CSMD2: variants seen among roughly 807,000 people sequenced by gnomAD.
CSMD2 encodes CUB and Sushi multiple domains 2, also known as CUB and sushi domain-containing protein 2.
In CSMD2, 130 loss-of-function variants were observed where a neutral mutation model predicts 398.5. That is an observed-to-expected ratio of 0.33 (90% CI 0.28 to 0.38). CSMD2 has a LOEUF of 0.38. CSMD2 is among the 10% of genes least tolerant of loss of function. The probability of loss-of-function intolerance (pLI) is 1.00; values close to 1 mark genes in which losing one functional copy is unlikely to be tolerated. For synonymous variants in CSMD2, 1,828 were observed against 1,908.5 expected (o/e 0.96, Z 1.10); for missense variants, 3,829 against 4,764.9 (o/e 0.80, Z 5.78).
At chr1:33,935,013 T>TAAAAAAAAAAAAAAAAAGGAAAAAAAAAA (rs1644428945) in intron 4 of CSMD2, among the ~76,000 whole-genome samples, 1 of 42,328 alleles carries the variant, frequency 2.4e-5, no homozygotes, top group African/African-American at 6.4e-5. Context: ...CAAATAAAAT[T>TAAAAAAAAAAAAAAAAAGGAAAAAAAAAA]AAAAAAAAAA....
intron 65 of CSMD2, 28 bp from the exon 66 acceptor site, chr1:33,525,071 A>G: frequency 6.2e-7 from 1 of 1,612,418 alleles, no homozygotes. Flanking sequence ...TAGATGTGAG[A>G]GGGACTTTGT....
chr1:33,668,671 C>A (rs1278011587), intron 25 of CSMD2, among the ~76,000 whole-genome samples: 1 of 152,198 alleles, frequency 6.6e-6, no homozygotes, highest in Non-Finnish European at 1.5e-5. Flanking sequence ...CAGCTCCCCT[C>A]CCCATTGTAC....
chr1:33,973,177 C>A (rs1262293592), intron 3 of CSMD2, among the ~76,000 whole-genome samples: 2 of 152,230 alleles, frequency 1.3e-5, no homozygotes, highest in Non-Finnish European at 2.9e-5. Context: ...CCCCTGCCCA[C>A]ACTATCTGCC....
chr1:33,807,575 G>C (rs890017647), intron 10 of CSMD2, among the ~76,000 whole-genome samples: 5 of 152,116 alleles, frequency 3.3e-5, no homozygotes, highest in African/African-American at 1.2e-4. Flanking sequence ...TAAGTGGACA[G>C]TGGCTTTATC....
At chr1:33,772,473 G>T in intron 13 of CSMD2, 96 bp downstream of exon 13, 1 of 1,086,944 alleles carries the variant, frequency 9.2e-7, no homozygotes, top group Non-Finnish European at 1.4e-6. Flanking sequence ...GTTACAACCT[G>T]CAAGGTTCCC....
chr1:33,540,538 C>A lies in CSMD2; in HGVS notation c.9618G>T (p.Leu3206=). Reference sequence around the variant, plus strand: ...TAAGCAACTTACGGAAACACTGAGGCAGCTCTCCGGTCCAGGACCCATTTC... The same window carrying A: ...TAAGCAACTTACGGAAACACTGAGGAAGCTCTCCGGTCCAGGACCCATTTC... ...CEGNGSWTGE[L]PQCFPVFCGD... The change falls in exon 60 of 71, where the codon CTG becomes CTT. Residue 3206 remains leucine (L), a synonymous_variant. Coordinates refer to ENST00000373381, the MANE Select transcript of CSMD2 (RefSeq NM_001281956.2). 1 of 1,614,162 alleles carries A rather than the reference C, an allele frequency of 6.2e-7. No individual in the cohort carries two copies. The highest frequency in any genetic ancestry group is 1.1e-5 in the South Asian group (1 of 91,066).
At chr1:33,696,543 G>A (rs920442420) in intron 24 of CSMD2, among the ~76,000 whole-genome samples, 1 of 152,180 alleles carries the variant, frequency 6.6e-6, no homozygotes, top group Non-Finnish European at 1.5e-5. Context: ...ATTGTGGGGA[G>A]GAGGCTTGAC....
chr1:33,708,760 C>T (rs1017009096), intron 22 of CSMD2, among the ~76,000 whole-genome samples: 5 of 152,010 alleles, frequency 3.3e-5, no homozygotes, highest in African/African-American at 1.2e-4. Flanking sequence ...CACCACCACA[C>T]CCAGCTAATT....
chr1:33,984,503 C>G (rs1646281067), intron 3 of CSMD2, among the ~76,000 whole-genome samples: 1 of 152,108 alleles, frequency 6.6e-6, no homozygotes, highest in African/African-American at 2.4e-5. Context: ...CAAATCCCTC[C>G]CAAAAGAAAT....
At chr1:33,842,625 C>A (rs1660968628) in intron 6 of CSMD2, among the ~76,000 whole-genome samples, 1 of 152,182 alleles carries the variant, frequency 6.6e-6, no homozygotes, top group South Asian at 2.1e-4. Flanking sequence ...ATAAACTGCT[C>A]AGCTCTGCCC....
At chr1:33,864,057 G>A (rs958012291) in intron 5 of CSMD2, 3 of 800,622 alleles carry the variant, frequency 3.7e-6, no homozygotes, top group Non-Finnish European at 4.0e-6. Flanking sequence ...TGAAAAGGCT[G>A]AGCCCTGACT....
Position 33,716,418 on chromosome 1 carries a change from G to T in CSMD2, c.3085C>A (p.Pro1029Thr), listed in dbSNP as rs749247129. 6.2e-6 allele frequency: 10 copies of T among 1,614,054 alleles called. No homozygotes were observed. In the South Asian group the frequency reaches 8.8e-5, roughly 14 times the overall value. The part of the protein sequence containing the change: ...LITENGSFTQ[P>T]LRQLTGSRLP... ...CGAGATCCAGTTAGCTGCCTCAGGG[G>T]CTGGGTGAAGCTGCCGTTCTCAGTG... The change falls in exon 20 of 71, where the codon CCC (proline) becomes ACC (threonine). Residue 1029 changes from proline (P) to threonine (T), a missense_variant. Pro to Thr is a conservative substitution (Grantham distance 38). Around this residue, in one of 5 missense-constraint regions of CSMD2, gnomAD observed 2,001 missense variants for 2,567.1 expected, o/e 0.78. Transcript: ENST00000373381.
chr1:33,990,480 C>T (rs184085310), intron 3 of CSMD2, among the ~76,000 whole-genome samples: 166 of 152,252 alleles, frequency 1.1e-3, no homozygotes, highest in Middle Eastern at 3.4e-3. Flanking sequence ...AAACACATTA[C>T]TCTCCCCTCA....
chr1:33,705,675 T>TA (rs1645751524), intron 22 of CSMD2, among the ~76,000 whole-genome samples: 1 of 152,066 alleles, frequency 6.6e-6, no homozygotes, highest in African/African-American at 2.4e-5. Flanking sequence ...TAGTACTTTT[T>TA]ATCTATAAAA....
At chr1:33,704,049 A>C (rs963900217) in intron 22 of CSMD2, among the ~76,000 whole-genome samples, 1 of 152,182 alleles carries the variant, frequency 6.6e-6, no homozygotes, top group East Asian at 1.9e-4. Context: ...AGTTACATCA[A>C]TATCAAAATA....
chr1:33,897,676 C>T (rs139678559), intron 5 of CSMD2, among the ~76,000 whole-genome samples: 58 of 152,306 alleles, frequency 3.8e-4, no homozygotes, highest in Non-Finnish European at 6.9e-4. Flanking sequence ...ACTGTGGAAT[C>T]ACCCAGGCAC....
In CSMD2 at chr1:33,636,589, C is replaced by G. The variant is rs1239261405; in HGVS notation, c.4775-35G>C. 2.5e-6 allele frequency: 4 copies of G among 1,586,384 alleles called. No individual in the cohort carries two copies. The highest frequency in any genetic ancestry group is 3.5e-6 in the Non-Finnish European group (4 of 1,157,164). On this transcript the variant is annotated intron_variant, in intron 29 of 70. Coordinates refer to ENST00000373381, the MANE Select transcript of CSMD2 (RefSeq NM_001281956.2). This position sits in a 1 kb window ranked among gnomAD's most constrained non-coding sequence, Gnocchi z 4.8. ...AGAAATACAAACACGTGCACACACA[C>G]AGAGGGCTCATGAGGAGGCTATTCT... is the stretch of plus-strand genomic sequence containing the variant.
intron 2 of CSMD2, among the ~76,000 whole-genome samples, chr1:34,072,066 CT>C (rs1316762526): frequency 6.6e-6 from 1 of 152,206 alleles, no homozygotes; most frequent in African/African-American, 2.4e-5. Flanking sequence ...CTCCATGCCC[CT>C]GGTCTGGCTC....
chr1:33,866,776 T>C (rs561662866), intron 5 of CSMD2, among the ~76,000 whole-genome samples: 1 of 152,388 alleles, frequency 6.6e-6, no homozygotes, highest in Admixed American at 6.5e-5. Flanking sequence ...ACAAGTTCAC[T>C]TGATGCCATG....
Sources: allele counts gnomAD v4.1 joint callset (sites outside exome capture counted in the v4.1 genomes callset), GRCh38; gene constraint gnomAD v4.1.1; regional missense constraint gnomAD v4.1.1; non-coding constraint Gnocchi (gnomAD v3.1); transcripts MANE v1.5; gene names NCBI Gene and HGNC (gene_info 2026-07-23, HGNC 2026-07-21).